Variants in LPIN2 observed in about 807,000 individuals in gnomAD.
The protein encoded by LPIN2 is phosphatidate phosphatase LPIN2.
A neutral mutation model predicts 111.4 loss-of-function variants in LPIN2; 55 were observed. That is an observed-to-expected ratio of 0.49 (90% CI 0.40 to 0.62). The LOEUF is 0.62. Among genes scored for constraint, LPIN2 ranks in the 20% least tolerant of loss-of-function variants. The pLI is 0.00. For missense variants in LPIN2, 992 were observed against 1,112.1 expected, an observed-to-expected ratio of 0.89 and a Z score of 1.54; for synonymous variants, 425 against 414.0, an observed-to-expected ratio of 1.03 and a Z score of -0.32.
Position 2,979,432 on chromosome 18 carries a change from G to A in LPIN2, c.-9-18583C>T, listed in dbSNP as rs139241613. 1.7e-3 allele frequency among the ~76,000 whole-genome samples: 256 copies of A among 152,230 alleles called. 1 individual carries two copies. Among genetic ancestry groups the A allele is most frequent in the African/African-American group, 5.9e-3 (244 of 41,540 alleles). On this transcript the variant is annotated intron_variant, in intron 1 of 19. Transcript: ENST00000677752. ...CAGCTGTGTTATTCATAAACCCAGA[G>A]CAGCAAAAAATTCCGACATATTAGT... is the stretch of plus-strand genomic sequence containing the variant.
At chr18:2,970,418 G>A (rs2077888577) in intron 1 of LPIN2, among the ~76,000 whole-genome samples, 1 of 152,226 alleles carries the variant, frequency 6.6e-6, no homozygotes, top group African/African-American at 2.4e-5. Flanking sequence ...ACCCAAGACT[G>A]GGAGGGCTGG....
Position 2,925,785 on chromosome 18 carries a change from A to G in LPIN2, c.1794-417T>C, listed in dbSNP as rs1213802225. Among the ~76,000 whole-genome samples, 4 of 152,160 alleles carry G rather than the reference A, an allele frequency of 2.6e-5. No individual in the cohort carries two copies. The highest frequency in any genetic ancestry group is 5.9e-5 in the Non-Finnish European group (4 of 68,014). On this transcript the variant is annotated intron_variant, in intron 13 of 19. Coordinates refer to ENST00000677752, the MANE Select transcript of LPIN2 (RefSeq NM_001375808.2). The surrounding 1 kb of genome is among the most constrained non-coding windows in gnomAD (Gnocchi z 4.1). The stretch of plus-strand genomic sequence containing the variant: ...CTTTGGGAGGCCGAGTTAGGAGGAC[A>G]CCTTGAGCCCAGGAGTTTGAGACCA...
chr18:2,941,555 C>G (rs948755048), intron 4 of LPIN2, among the ~76,000 whole-genome samples: 3 of 152,166 alleles, frequency 2.0e-5, no homozygotes. Flanking sequence ...TATCATTTGT[C>G]CTGTCTACTT....
chr18:2,981,251 C>T (rs2078105883), intron 1 of LPIN2, among the ~76,000 whole-genome samples: 1 of 152,160 alleles, frequency 6.6e-6, no homozygotes, highest in Admixed American at 6.5e-5. Flanking sequence ...TCCCTCTAAC[C>T]ACACACACCC....
intron 1 of LPIN2, among the ~76,000 whole-genome samples, chr18:2,964,103 G>A (rs2077751595): frequency 6.6e-6 from 1 of 151,476 alleles, no homozygotes; most frequent in Admixed American, 6.6e-5. Context: ...CCAACACGGT[G>A]AAGGCCCGTC....
At chr18:2,921,160 T>A (rs1162109830) in intron 18 of LPIN2, 2 of 556,852 alleles carry the variant, frequency 3.6e-6, no homozygotes, top group Non-Finnish European at 6.4e-6. Flanking sequence ...TGAGGCCCGA[T>A]GGCCCTGCAG....
chr18:2,958,141 C>CAAAAAAAAAAAA lies in LPIN2; in HGVS notation c.192+2496_192+2507dup, dbSNP rs1224779773. ...TGGGCGACAAAGCGAGACTCCATCT[C>CAAAAAAAAAAAA]AAAAAAAAAAAAAAAACAACAAAAA... On this transcript the variant is annotated intron_variant, in intron 2 of 19. Coordinates refer to ENST00000677752, the MANE Select transcript of LPIN2 (RefSeq NM_001375808.2). Among the ~76,000 whole-genome samples, 62 of 11,924 alleles carry CAAAAAAAAAAAA rather than the reference C, an allele frequency of 5.2e-3. 8 individuals are homozygous for CAAAAAAAAAAAA. The highest frequency in any genetic ancestry group is 9.8e-3 in the East Asian group (2 of 204). The allele number at this position is 11,924 out of a possible 152,430, so 7.8% of individuals were successfully genotyped here.
intron 15 of LPIN2, 75 bp from the exon 16 acceptor site, chr18:2,923,936 C>T (rs2077093714): frequency 8.4e-7 from 1 of 1,189,898 alleles, no homozygotes; most frequent in Non-Finnish European, 1.3e-6. Context: ...GGTTGACTAT[C>T]AGCTGCCAAT....
Position 2,920,764 on chromosome 18 carries a change from G to A in LPIN2, c.2546+14C>T. ...GCTGCAGGGCGCCGGGCTGAGAGCTGAGAATGTACTTACGATGACTTGTTT... is the reference window on the plus strand; with the variant it reads ...GCTGCAGGGCGCCGGGCTGAGAGCTAAGAATGTACTTACGATGACTTGTTT... On this transcript the variant is annotated intron_variant, in intron 19 of 19. Transcript: ENST00000677752. 1 of 1,603,370 alleles carries A rather than the reference G, an allele frequency of 6.2e-7. No individual in the cohort carries two copies. The highest frequency in any genetic ancestry group is 2.2e-5 in the East Asian group (1 of 44,836).
At chr18:2,933,713 C>T (rs777857077) in intron 8 of LPIN2, among the ~76,000 whole-genome samples, 3 of 152,138 alleles carry the variant, frequency 2.0e-5, no homozygotes, top group Non-Finnish European at 4.4e-5. Context: ...TTTTTTCTAA[C>T]CACAGAGTAG....
At chr18:2,943,921 G>A (rs1429491054) in intron 4 of LPIN2, among the ~76,000 whole-genome samples, 2 of 152,104 alleles carry the variant, frequency 1.3e-5, no homozygotes, top group Non-Finnish European at 2.9e-5. Flanking sequence ...CTTTATTAAC[G>A]AAAATAGTAC....
chr18:2,954,679 A>C, intron 2 of LPIN2, 80 bp from the exon 3 acceptor site: 1 of 993,346 alleles, frequency 1.0e-6, no homozygotes, highest in Non-Finnish European at 1.6e-6. Flanking sequence ...CTGAGTTCTC[A>C]AGTCAAACTT....
chr18:2,979,590 T>A (rs1453333709), intron 1 of LPIN2, among the ~76,000 whole-genome samples: 5 of 152,184 alleles, frequency 3.3e-5, no homozygotes, highest in African/African-American at 1.2e-4. Context: ...ACAGTGTGTG[T>A]GGAGGCAGTC....
At chr18:2,944,930 G>GT (rs2077426937) in intron 4 of LPIN2, among the ~76,000 whole-genome samples, 1 of 152,066 alleles carries the variant, frequency 6.6e-6, no homozygotes, top group African/African-American at 2.4e-5. Context: ...GGCAAGTAAT[G>GT]TAAGTTTTGA....
Position 2,960,819 on chromosome 18 carries a change from C to T in LPIN2, c.22G>A (p.Ala8Thr). 6.2e-7 allele frequency: 1 copy of T among 1,614,070 alleles called. No homozygotes were observed. Among genetic ancestry groups the T allele is most frequent in the East Asian group, 2.2e-5 (1 of 44,874 alleles). The change falls in exon 2 of 20, where the codon GCT becomes ACT. Residue 8 changes from alanine to threonine, a missense_variant. Transcript: ENST00000677752. MNYVGQL[A>T]GQVIVTVKEL... is the part of the protein sequence containing the mutation. ...TTCACAGTGACAATCACCTGCCCAG[C>T]CAGCTGTCCCACATAATTCATGGTT...
intron 1 of LPIN2, among the ~76,000 whole-genome samples, chr18:3,007,528 T>C (rs915669350): frequency 3.3e-5 from 5 of 152,230 alleles, no homozygotes; most frequent in African/African-American, 7.2e-5. Context: ...AAATGTAATA[T>C]GTGGACAGAC....
intron 5 of LPIN2, among the ~76,000 whole-genome samples, chr18:2,940,146 C>A (rs1236837592): frequency 8.0e-6 from 1 of 125,212 alleles, no homozygotes; most frequent in East Asian, 2.4e-4. Flanking sequence ...GGCAAAATAG[C>A]GAGACTCTGT....
At chr18:2,955,707 A>T (rs1212591781) in intron 2 of LPIN2, among the ~76,000 whole-genome samples, 2 of 152,094 alleles carry the variant, frequency 1.3e-5, no homozygotes, top group Non-Finnish European at 2.9e-5. Context: ...CCTGAGGTCA[A>T]GAGTTCGAGA....
intron 1 of LPIN2, chr18:2,967,695 TC>T (rs1250834928): frequency 6.6e-6 from 1 of 152,196 alleles, no homozygotes; most frequent in Non-Finnish European, 1.5e-5. Context: ...GGCCACAGAC[TC>T]CCGACGCCAA....
Sources: gnomAD v4.1 joint callset for allele counts (sites outside exome capture counted in the v4.1 genomes callset) on GRCh38, gnomAD v4.1.1 for gene constraint, Gnocchi (gnomAD v3.1) non-coding constraint, MANE v1.5 for transcripts, NCBI Gene and HGNC (gene_info 2026-07-23, HGNC 2026-07-21) for gene names.